SEMA5A: variants seen among roughly 807,000 people sequenced by gnomAD.
SEMA5A encodes semaphorin 5A.
In SEMA5A, 55 loss-of-function variants were observed where a neutral mutation model predicts 135.5. The observed-to-expected ratio is 0.41, with a 90% confidence interval of 0.33 to 0.51. The LOEUF (loss-of-function observed/expected upper bound fraction) is 0.51. Among genes scored for constraint, SEMA5A ranks in the 20% least tolerant of loss-of-function variants. The pLI, the probability that SEMA5A is intolerant of heterozygous loss-of-function variation, is 0.37. For synonymous variants in SEMA5A, 580 were observed against 546.5 expected, an observed-to-expected ratio of 1.06 and a Z score of -0.85; for missense variants, 1,290 against 1,419.9, an observed-to-expected ratio of 0.91 and a Z score of 1.47.
chr5:9,205,476 G>A (rs1405875813), intron 8 of SEMA5A, among the ~76,000 whole-genome samples: 1 of 152,100 alleles, frequency 6.6e-6, no homozygotes, highest in Non-Finnish European at 1.5e-5. Flanking sequence ...AGGTCATTCT[G>A]TACCCTGTGT....
intron 4 of SEMA5A, among the ~76,000 whole-genome samples, chr5:9,320,995 C>G (rs1207397754): frequency 1.3e-5 from 2 of 152,010 alleles, no homozygotes; most frequent in Non-Finnish European, 2.9e-5. Context: ...ATTTTAATCC[C>G]CATAATCCCC....
chr5:9,148,277 T>C (rs1016217002), intron 12 of SEMA5A, among the ~76,000 whole-genome samples: 8 of 152,176 alleles, frequency 5.3e-5, no homozygotes, highest in Admixed American at 2.0e-4. Context: ...ATTCAAAAGG[T>C]AGATGATAAT....
At chr5:9,427,465 T>A (rs1757700386) in intron 2 of SEMA5A, among the ~76,000 whole-genome samples, 1 of 152,182 alleles carries the variant, frequency 6.6e-6, no homozygotes, top group African/African-American at 2.4e-5. Flanking sequence ...GACCTGCCTA[T>A]CAAAGCATGT....
At chr5:9,310,757 G>A (rs918089983) in intron 5 of SEMA5A, among the ~76,000 whole-genome samples, 2 of 149,336 alleles carry the variant, frequency 1.3e-5, no homozygotes, top group East Asian at 2.0e-4. Flanking sequence ...AATCCCAGCA[G>A]CTTCTTTAGA....
At position 9,315,955 on chromosome 5, in the gene SEMA5A, C is replaced by T. The variant is rs556727397; in HGVS notation, c.270+2417G>A. Reference sequence around the variant, plus strand: ...CAAACTCTGACCCATAAATTAGCATCTATTGATCACTTTTGCCTAAATCGA... The same window carrying T: ...CAAACTCTGACCCATAAATTAGCATTTATTGATCACTTTTGCCTAAATCGA... On this transcript the variant is annotated intron_variant, in intron 5 of 22. Transcript: ENST00000382496. Among the ~76,000 whole-genome samples, 21 of 152,280 alleles carry T rather than the reference C, an allele frequency of 1.4e-4. 1 individual carries two copies. In the South Asian group the frequency reaches 4.1e-3, roughly 30 times the overall value.
chr5:9,115,590 G>A (rs1740467188), intron 15 of SEMA5A, among the ~76,000 whole-genome samples: 1 of 152,190 alleles, frequency 6.6e-6, no homozygotes, highest in Admixed American at 6.5e-5. Context: ...CACCCAGACA[G>A]CCTCTTCCAC....
In SEMA5A at chr5:9,321,512, G is replaced by C. The variant is rs1453622860; in HGVS notation, c.225-3095C>G. 4.6e-5 allele frequency among the ~76,000 whole-genome samples: 7 copies of C among 152,132 alleles called. No homozygotes were observed. In the East Asian group the frequency reaches 9.6e-4, roughly 21 times the overall value. ...AGAGTTCTGCCTCTATACAATCTCA[G>C]GAAGAAAGCATTTCTTTCTATGCCT... On this transcript the variant is annotated intron_variant, in intron 4 of 22. Transcript: ENST00000382496.
chr5:9,092,851 C>G (rs982061011), intron 16 of SEMA5A, among the ~76,000 whole-genome samples: 5 of 152,260 alleles, frequency 3.3e-5, no homozygotes, highest in African/African-American at 1.2e-4. Flanking sequence ...TTTAAAAAAT[C>G]ACACATACAT....
intron 15 of SEMA5A, among the ~76,000 whole-genome samples, chr5:9,108,745 A>T (rs1039508190): frequency 1.1e-4 from 16 of 152,168 alleles, no homozygotes; most frequent in African/African-American, 3.4e-4. Flanking sequence ...TTATATTAGG[A>T]TAAGTTAAAG....
In SEMA5A at chr5:9,036,695, C is replaced by T. The variant is rs933672211; in HGVS notation, c.*6202G>A. ...AAAAATCACATCTGAAGATGATGTG[C>T]TTCTTGGTCATTTTCTATTCCTGAG... On this transcript the variant is annotated 3_prime_UTR_variant, in exon 23 of 23. Coordinates refer to ENST00000382496, the MANE Select transcript of SEMA5A (RefSeq NM_003966.3). 67 of 152,694 alleles carry T rather than the reference C, an allele frequency of 4.4e-4. No homozygotes were observed. Among genetic ancestry groups the T allele is most frequent in the Non-Finnish European group, 2.1e-4 (14 of 68,014 alleles). The allele number at this position is 152,694 out of a possible 1,614,324, so 9.5% of individuals were successfully genotyped here.
At chr5:9,185,013 A>C (rs1158700475) in intron 11 of SEMA5A, among the ~76,000 whole-genome samples, 1 of 152,106 alleles carries the variant, frequency 6.6e-6, no homozygotes, top group Non-Finnish European at 1.5e-5. Context: ...TTGCAGCCTC[A>C]AATTCCTAGG....
intron 15 of SEMA5A, among the ~76,000 whole-genome samples, chr5:9,108,497 C>T (rs1025223493): frequency 5.3e-5 from 8 of 152,024 alleles, no homozygotes; most frequent in Non-Finnish European, 1.0e-4. Flanking sequence ...GCATGGCAGA[C>T]AATGAAGAAA....
chr5:9,447,504 C>T (rs936478237), intron 1 of SEMA5A, among the ~76,000 whole-genome samples: 2 of 152,180 alleles, frequency 1.3e-5, no homozygotes, highest in African/African-American at 4.8e-5. Context: ...AGATGGGCAC[C>T]AAGGCCTAAA....
At chr5:9,245,494 C>T (rs1475820696) in intron 5 of SEMA5A, among the ~76,000 whole-genome samples, 3 of 152,104 alleles carry the variant, frequency 2.0e-5, no homozygotes, top group Admixed American at 6.6e-5. Flanking sequence ...CCAAGCATTT[C>T]TGTATTTTGT....
chr5:9,293,726 A>G (rs1751197809), intron 5 of SEMA5A, among the ~76,000 whole-genome samples: 1 of 152,182 alleles, frequency 6.6e-6, no homozygotes. Flanking sequence ...GATCTGCCAT[A>G]TGTCTAATTT....
Position 9,197,291 on chromosome 5 carries a change from C to A in SEMA5A, c.945G>T (p.Ala315=). 1 of 1,612,668 alleles carries A rather than the reference C, an allele frequency of 6.2e-7. No homozygotes were observed. The highest frequency in any genetic ancestry group is 8.5e-7 in the Non-Finnish European group (1 of 1,179,624). ...GIFTTNVNSI[A]ASAVCVFNLS... is the part of the protein sequence containing the mutation. The stretch of plus-strand genomic sequence containing the variant: ...GGTTGAAGACGCACACAGCTGAGGC[C>A]GCAATGCTGTTCCTGGGAGCGGAGG... The change falls in exon 10 of 23, where the codon GCG becomes GCT. Residue 315 remains alanine, a synonymous_variant. Transcript: ENST00000382496.
At position 9,300,225 on chromosome 5, in the gene SEMA5A, G is replaced by A. The variant is rs573883048; in HGVS notation, c.270+18147C>T. On this transcript the variant is annotated intron_variant, in intron 5 of 22. Coordinates refer to ENST00000382496, the MANE Select transcript of SEMA5A (RefSeq NM_003966.3). ...GTAATTTTTGTAGAGACAGGGTTTC[G>A]CCATGTTACCCAGGCTGGTCTCAAA... Among the ~76,000 whole-genome samples the A allele has an allele frequency of 3.6e-3, 547 of 152,108 alleles. 7 individuals carry two copies. Among genetic ancestry groups the A allele is most frequent in the Non-Finnish European group, 4.8e-3 (326 of 67,976 alleles).
At chr5:9,519,921 T>G (rs950580352) in intron 1 of SEMA5A, 4 of 152,214 alleles carry the variant, frequency 2.6e-5, no homozygotes, top group African/African-American at 9.6e-5. Context: ...CTAGACAATG[T>G]GCTTCTGAAA....
At chr5:9,250,404 T>A (rs1025251810) in intron 5 of SEMA5A, among the ~76,000 whole-genome samples, 8 of 152,146 alleles carry the variant, frequency 5.3e-5, no homozygotes, top group African/African-American at 1.9e-4. Context: ...TCCACCCCCA[T>A]AAGTAACTTT....
Sources: allele counts gnomAD v4.1 joint callset (sites outside exome capture counted in the v4.1 genomes callset), GRCh38; gene constraint gnomAD v4.1.1; transcripts MANE v1.5; gene names NCBI Gene and HGNC (gene_info 2026-07-23, HGNC 2026-07-21).